PTK7: variants seen among roughly 807,000 people sequenced by gnomAD.
PTK7 encodes inactive tyrosine-protein kinase 7.
Under a neutral mutation model 116.6 loss-of-function variants are expected in PTK7, and 39 were observed. That is an observed-to-expected ratio of 0.33 (90% CI 0.26 to 0.44). The LOEUF (loss-of-function observed/expected upper bound fraction) is 0.44. PTK7 is among the 20% of genes least tolerant of loss of function. PTK7 has a pLI of 1.00. For synonymous variants in PTK7, 546 were observed against 563.6 expected (o/e 0.97, Z 0.44); for missense variants, 1,169 against 1,425.6 (o/e 0.82, Z 2.90).
In PTK7 at chr6:43,076,846, C is replaced by T; in HGVS notation, c.79+279C>T. The stretch of plus-strand genomic sequence containing the variant: ...TTTTCTGGTCTGAGCCGAGAGTTTG[C>T]TCGAGAACTGCCGAGAGTTGCTGGC... On this transcript the variant is annotated intron_variant, in intron 1 of 19. Coordinates refer to ENST00000230419, the MANE Select transcript of PTK7 (RefSeq NM_002821.5). This position sits in a 1 kb window ranked among gnomAD's most constrained non-coding sequence, Gnocchi z 5.7. The T allele has an allele frequency of 2.1e-6, 3 of 1,451,906 alleles. No homozygotes were observed. Among genetic ancestry groups the T allele is most frequent in the South Asian group, 2.6e-5 (2 of 75,822 alleles). The allele number at this position is 1,451,906 out of a possible 1,614,324, so 89.9% of individuals were successfully genotyped here.
At position 43,157,378 on chromosome 6, in the gene PTK7, T is replaced by TTTTTC. The variant is rs1771562428; in HGVS notation, c.2722-1435_2722-1434insCTTTT. Among the ~76,000 whole-genome samples, 42 of 79,776 alleles carry TTTTTC rather than the reference T, an allele frequency of 5.3e-4. 2 individuals are homozygous for TTTTTC. Among genetic ancestry groups the TTTTTC allele is most frequent in the Non-Finnish European group, 7.4e-4 (29 of 39,352 alleles). The allele number at this position is 79,776 out of a possible 152,430, so 52.3% of individuals were successfully genotyped here. A position where few individuals can be genotyped will look rare whatever the true frequency, so the allele number is the denominator to read the frequency against. On this transcript the variant is annotated intron_variant, in intron 17 of 19. Coordinates refer to ENST00000230419, the MANE Select transcript of PTK7 (RefSeq NM_002821.5). ...TATATATATATATTTTTTTTTTTCTTTTTTTTTTTTTTTTTTTAATAGAGT... is the reference window on the plus strand; with the variant it reads ...TATATATATATATTTTTTTTTTTCTTTTTTCTTTTTTTTTTTTTTTTTAATAGAGT...
chr6:43,149,000 A>C (rs1030469072), intron 17 of PTK7, among the ~76,000 whole-genome samples: 3 of 147,130 alleles, frequency 2.0e-5, no homozygotes, highest in African/African-American at 7.6e-5. Flanking sequence ...TGGAGGTTGC[A>C]GTGAGCCAAG....
chr6:43,084,161 C>T (rs1016781974), intron 1 of PTK7, among the ~76,000 whole-genome samples: 2 of 152,130 alleles, frequency 1.3e-5, no homozygotes, highest in Admixed American at 1.3e-4. Flanking sequence ...GACAGGGTCT[C>T]ACTCTGTCAC....
rs1769514686 is a variant in PTK7 at position 43,129,358 on chromosome 6, C to G, written c.367+94C>G. The G allele has an allele frequency of 4.8e-6, 7 of 1,444,674 alleles. No individual in the cohort carries two copies. The highest frequency in any genetic ancestry group is 6.6e-6 in the Non-Finnish European group (7 of 1,057,864). The allele number at this position is 1,444,674 out of a possible 1,614,324, so 89.5% of individuals were successfully genotyped here. ...TCCCTTACCTCAGCTTCTCCCATTT[C>G]CAGTTAAACGGGCCAGGCAGAATGC... On this transcript the variant is annotated intron_variant, in intron 2 of 19. Transcript: ENST00000230419. This position sits in a 1 kb window ranked among gnomAD's most constrained non-coding sequence, Gnocchi z 4.5.
chr6:43,103,188 C>T lies in PTK7; in HGVS notation c.80-25789C>T, dbSNP rs573595795. ...TAAAAATAAAAACAAAATGCTCAGGCATAAACCATTATAATGGAAACTGTA... is the reference window on the plus strand; with the variant it reads ...TAAAAATAAAAACAAAATGCTCAGGTATAAACCATTATAATGGAAACTGTA... On this transcript the variant is annotated intron_variant, in intron 1 of 19. Coordinates refer to ENST00000230419, the MANE Select transcript of PTK7 (RefSeq NM_002821.5). Among the ~76,000 whole-genome samples, 5 of 152,294 alleles carry T rather than the reference C, an allele frequency of 3.3e-5. No homozygotes were observed. The South Asian group carries it at 8.3e-4, about 25-fold the overall frequency.
intron 7 of PTK7, among the ~76,000 whole-genome samples, chr6:43,133,943 T>A (rs1769868823): frequency 6.6e-6 from 1 of 152,184 alleles, no homozygotes; most frequent in Non-Finnish European, 1.5e-5. Flanking sequence ...GTGTAACGAG[T>A]GCTCAGGACA....
chr6:43,143,388 C>T lies in PTK7; in HGVS notation c.2048-29C>T, dbSNP rs988913395. 20 of 1,605,020 alleles carry T rather than the reference C, an allele frequency of 1.2e-5. No individual in the cohort carries two copies. Among genetic ancestry groups the T allele is most frequent in the Non-Finnish European group, 1.5e-5 (18 of 1,175,884 alleles). ...CAGGGCTTCTTTTGCTTAGCAGCCC[C>T]TGCCCAGACCCATCTGTGTGTCTCT... On this transcript the variant is annotated intron_variant, in intron 13 of 19. Transcript: ENST00000230419. The surrounding 1 kb of genome is among the most constrained non-coding windows in gnomAD (Gnocchi z 4.2).
intron 1 of PTK7, among the ~76,000 whole-genome samples, chr6:43,103,708 G>A (rs1214121841): frequency 1.3e-5 from 2 of 152,124 alleles, no homozygotes; most frequent in Non-Finnish European, 2.9e-5. Context: ...TGAACTCACA[G>A]CCTTAACCTT....
intron 1 of PTK7, among the ~76,000 whole-genome samples, chr6:43,081,334 C>G (rs1766365377): frequency 6.6e-6 from 1 of 152,172 alleles, no homozygotes; most frequent in South Asian, 2.1e-4. Flanking sequence ...CTGAGGGGCT[C>G]TCCCATAGAG....
intron 1 of PTK7, among the ~76,000 whole-genome samples, chr6:43,114,198 G>A (rs1161079242): frequency 2.6e-5 from 4 of 152,182 alleles, no homozygotes; most frequent in Admixed American, 1.3e-4. Flanking sequence ...TCACGTGTGC[G>A]TGCTGTTTCT....
chr6:43,079,343 C>T (rs919479440), intron 1 of PTK7, among the ~76,000 whole-genome samples: 7 of 151,860 alleles, frequency 4.6e-5, no homozygotes, highest in Non-Finnish European at 7.4e-5. Context: ...GGCGGGTGCC[C>T]GTAGTCCCAG....
Position 43,076,362 on chromosome 6 carries a change from T to C in PTK7, c.-127T>C, listed in dbSNP as rs1765998649. On this transcript the variant is annotated 5_prime_UTR_variant, in exon 1 of 20. Transcript: ENST00000230419. The surrounding 1 kb of genome is among the most constrained non-coding windows in gnomAD (Gnocchi z 5.7). ...CGGGACGCCTCGGGACGCCTCGGGG[T>C]CGGGCTCCGGCTGCGGCTGCTGCTG... The C allele has an allele frequency of 1.7e-6, 1 of 573,256 alleles. No homozygotes were observed. The highest frequency in any genetic ancestry group is 2.5e-6 in the Non-Finnish European group (1 of 406,500). The allele number at this position is 573,256 out of a possible 1,614,324, so 35.5% of individuals were successfully genotyped here. A position where few individuals can be genotyped will look rare whatever the true frequency, so the allele number is the denominator to read the frequency against.
chr6:43,117,012 C>A (rs1213712852), intron 1 of PTK7, among the ~76,000 whole-genome samples: 1 of 151,946 alleles, frequency 6.6e-6, no homozygotes, highest in South Asian at 2.1e-4. Context: ...TTAATAGGGA[C>A]GGGGTTTCAC....
intron 1 of PTK7, among the ~76,000 whole-genome samples, chr6:43,122,452 C>T (rs780893148): frequency 2.6e-5 from 4 of 152,140 alleles, no homozygotes; most frequent in African/African-American, 4.8e-5. Context: ...TGTGGCCTGG[C>T]GCTGTCTCCC....
intron 1 of PTK7, among the ~76,000 whole-genome samples, chr6:43,083,085 T>C (rs1766464770): frequency 6.6e-6 from 1 of 152,198 alleles, no homozygotes; most frequent in Non-Finnish European, 1.5e-5. Flanking sequence ...CAGACTCTAG[T>C]GTTGGAGCCA....
At chr6:43,158,043 A>G (rs1771620104) in intron 17 of PTK7, among the ~76,000 whole-genome samples, 1 of 152,038 alleles carries the variant, frequency 6.6e-6, no homozygotes, top group Admixed American at 6.6e-5. Flanking sequence ...TCATGCCTGT[A>G]ATCCCAGCAC....
intron 1 of PTK7, among the ~76,000 whole-genome samples, chr6:43,080,460 G>T (rs1032706051): frequency 6.6e-6 from 1 of 152,126 alleles, no homozygotes; most frequent in African/African-American, 2.4e-5. Context: ...TTGTTGTATT[G>T]TTTTTAATTT....
At chr6:43,109,267 C>T (rs1042235721) in intron 1 of PTK7, among the ~76,000 whole-genome samples, 4 of 152,044 alleles carry the variant, frequency 2.6e-5, no homozygotes, top group South Asian at 2.1e-4. Context: ...ACTTGAACTC[C>T]GGGGCTCAAG....
intron 1 of PTK7, among the ~76,000 whole-genome samples, chr6:43,080,896 C>T (rs1189176826): frequency 2.0e-5 from 3 of 151,740 alleles, no homozygotes; most frequent in South Asian, 2.1e-4. Flanking sequence ...GAGCCGAGAT[C>T]GCGCCGCTGC....
Sources: gnomAD v4.1 joint callset for allele counts (sites outside exome capture counted in the v4.1 genomes callset) on GRCh38, gnomAD v4.1.1 for gene constraint, Gnocchi (gnomAD v3.1) non-coding constraint, MANE v1.5 for transcripts, NCBI Gene and HGNC (gene_info 2026-07-23, HGNC 2026-07-21) for gene names.